The following FKTN variants were observed in gnomAD, a reference collection of about 807,000 sequenced individuals.
FKTN encodes the protein ribitol-5-phosphate transferase FKTN.
A neutral mutation model predicts 58.6 loss-of-function variants in FKTN; 47 were observed. The observed-to-expected ratio is 0.80, with a 90% CI of 0.63 to 1.02. The LOEUF is 1.02. Ranked by LOEUF, FKTN falls within the 50% of genes least tolerant of loss-of-function variation. FKTN has a pLI of 0.00. For missense variants in FKTN, 516 were observed against 537.3 expected (o/e 0.96, Z 0.39); for synonymous variants, 178 against 191.9 (o/e 0.93, Z 0.60).
intron 1 of FKTN, among the ~76,000 whole-genome samples, chr9:105,564,272 C>G (rs1288474392): frequency 6.6e-6 from 1 of 152,226 alleles, no homozygotes; most frequent in Non-Finnish European, 1.5e-5. Context: ...CAGCTCCTCA[C>G]CAGCAATGGA....
At chr9:105,583,677 G>A (rs1198164842) in intron 3 of FKTN, among the ~76,000 whole-genome samples, 1 of 151,912 alleles carries the variant, frequency 6.6e-6, no homozygotes, top group Non-Finnish European at 1.5e-5. Flanking sequence ...TATTCATGAT[G>A]TACTCCCTCA....
At chr9:105,600,613 T>G (rs1224988025) in intron 4 of FKTN, among the ~76,000 whole-genome samples, 1 of 152,134 alleles carries the variant, frequency 6.6e-6, no homozygotes, top group Non-Finnish European at 1.5e-5. Flanking sequence ...AGGCAGTGTA[T>G]TTTGGTCTGA....
chr9:105,617,888 A>G, intron 8 of FKTN, 71 bp from the exon 9 acceptor site: 1 of 986,056 alleles, frequency 1.0e-6, no homozygotes, highest in Non-Finnish European at 1.5e-6. Flanking sequence ...CTTGTTACAA[A>G]TATAATTTGT....
chr9:105,572,780 A>C (rs940182714), intron 1 of FKTN, among the ~76,000 whole-genome samples: 2 of 152,218 alleles, frequency 1.3e-5, no homozygotes. Flanking sequence ...TGCTTTTCCC[A>C]CTTGTTCTCA....
intron 4 of FKTN, among the ~76,000 whole-genome samples, chr9:105,597,191 T>G (rs1822713500): frequency 6.6e-6 from 1 of 152,194 alleles, no homozygotes. Context: ...AGAAAAACAT[T>G]GCTGGGTTAC....
At chr9:105,617,728 AT>A (rs1831073018) in intron 8 of FKTN, among the ~76,000 whole-genome samples, 1 of 152,260 alleles carries the variant, frequency 6.6e-6, no homozygotes, top group Admixed American at 6.5e-5. Flanking sequence ...TTGGTGAAGC[AT>A]CTTAAGTCTA....
chr9:105,586,353 A>G (rs944191191), intron 3 of FKTN, among the ~76,000 whole-genome samples: 2 of 152,144 alleles, frequency 1.3e-5, no homozygotes, highest in Non-Finnish European at 2.9e-5. Flanking sequence ...CCTTGTGAGC[A>G]TTGTCTGTGG....
intron 3 of FKTN, among the ~76,000 whole-genome samples, chr9:105,586,677 T>G (rs1010710278): frequency 5.9e-5 from 9 of 152,196 alleles, no homozygotes; most frequent in Admixed American, 2.6e-4. Flanking sequence ...CAAGTCACTT[T>G]GAGCACCAGT....
rs1834038009 is a variant in FKTN, at chr9:105,636,404, C to A, written c.*1140C>A. The A allele has an allele frequency of 2.6e-5, 26 of 988,066 alleles. No individual in the cohort carries two copies. Among genetic ancestry groups the A allele is most frequent in the Non-Finnish European group, 3.1e-5 (26 of 831,570 alleles). 61.2% of individuals were successfully genotyped at this position (988,066 alleles called of 1,614,324 possible). On this transcript the variant is annotated 3_prime_UTR_variant, in exon 11 of 11. Transcript: ENST00000357998. ...ATGGTGGACTTGACAACTATTCACCCTACCTCAGATCATAGAGTTTGTAAA... is the reference window on the plus strand; with the variant it reads ...ATGGTGGACTTGACAACTATTCACCATACCTCAGATCATAGAGTTTGTAAA...
intron 7 of FKTN, among the ~76,000 whole-genome samples, chr9:105,608,723 T>G (rs1829357375): frequency 6.6e-6 from 1 of 152,260 alleles, no homozygotes; most frequent in African/African-American, 2.4e-5. Flanking sequence ...CTGAGGTTTC[T>G]CTAATACAGT....
intron 3 of FKTN, among the ~76,000 whole-genome samples, chr9:105,592,882 G>A (rs886332349): frequency 9.2e-5 from 14 of 152,114 alleles, no homozygotes; most frequent in African/African-American, 3.4e-4. Flanking sequence ...CAAGTCTCTA[G>A]GAAGTTTCAA....
chr9:105,636,243 T>C lies in FKTN; in HGVS notation c.*979T>C, dbSNP rs1834025809. On this transcript the variant is annotated 3_prime_UTR_variant, in exon 11 of 11. Transcript: ENST00000357998. ...TAAATATACTCTAATTTTTAAAACA[T>C]ACTCTTTATTATCTTCATTTATCAA... 1 of 903,128 alleles carries C rather than the reference T, an allele frequency of 1.1e-6. No homozygotes were observed. Among genetic ancestry groups the C allele is most frequent in the South Asian group, 5.1e-5 (1 of 19,488 alleles). 55.9% of individuals were successfully genotyped at this position (903,128 alleles called of 1,614,324 possible). A position where few individuals can be genotyped will look rare whatever the true frequency, so the allele number is the denominator to read the frequency against.
At chr9:105,581,865 C>T (rs1406004418) in intron 3 of FKTN, among the ~76,000 whole-genome samples, 1 of 152,216 alleles carries the variant, frequency 6.6e-6, no homozygotes, top group African/African-American at 2.4e-5. Context: ...GATATAGTCT[C>T]GTGGTGCACT....
Position 105,636,590 on chromosome 9 carries a change from A to G in FKTN, c.*1326A>G, listed in dbSNP as rs903730580. 2 of 1,116,470 alleles carry G rather than the reference A, an allele frequency of 1.8e-6. No homozygotes were observed. Among genetic ancestry groups the G allele is most frequent in the South Asian group, 2.2e-5 (1 of 45,522 alleles). 69.2% of individuals were successfully genotyped at this position (1,116,470 alleles called of 1,614,324 possible). Reference sequence around the variant, plus strand: ...ATGCTGTTTACCCCATCTCTCTCTTATATCACTTGAATGATATATTGTAAG... The same window carrying G: ...ATGCTGTTTACCCCATCTCTCTCTTGTATCACTTGAATGATATATTGTAAG... On this transcript the variant is annotated 3_prime_UTR_variant, in exon 11 of 11. Transcript: ENST00000357998.
chr9:105,579,028 T>G (rs1842340604), intron 3 of FKTN, among the ~76,000 whole-genome samples: 1 of 151,828 alleles, frequency 6.6e-6, no homozygotes, highest in Admixed American at 6.6e-5. Flanking sequence ...TTATCGTTTT[T>G]TATTGCGTCT....
Position 105,637,462 on chromosome 9 carries a change from A to G in FKTN, c.*2198A>G. The G allele has an allele frequency of 2.0e-6, 2 of 985,488 alleles. No homozygotes were observed. Among genetic ancestry groups the G allele is most frequent in the Non-Finnish European group, 2.4e-6 (2 of 829,972 alleles). The allele number at this position is 985,488 out of a possible 1,614,324, so 61.0% of individuals were successfully genotyped here. A position where few individuals can be genotyped will look rare whatever the true frequency, so the allele number is the denominator to read the frequency against. On this transcript the variant is annotated 3_prime_UTR_variant, in exon 11 of 11. Coordinates refer to ENST00000357998, the MANE Select transcript of FKTN (RefSeq NM_001079802.2). Reference sequence around the variant, plus strand: ...ATGGGTTCCACCCTAACTTGGGGAAACAAAAGCCTTCTCTAGAATCTGAAG... The same window carrying G: ...ATGGGTTCCACCCTAACTTGGGGAAGCAAAAGCCTTCTCTAGAATCTGAAG...
intron 3 of FKTN, among the ~76,000 whole-genome samples, chr9:105,594,110 A>G (rs1200101276): frequency 6.6e-6 from 1 of 152,198 alleles, no homozygotes; most frequent in Non-Finnish European, 1.5e-5. Flanking sequence ...TTGCTGGAGC[A>G]ATGTCTTTGT....
At chr9:105,618,249 T>C (rs767941254) in intron 9 of FKTN, among the ~76,000 whole-genome samples, 157 bp downstream of exon 9, 1 of 152,214 alleles carries the variant, frequency 6.6e-6, no homozygotes, top group Non-Finnish European at 1.5e-5. Flanking sequence ...CCACTTGTAA[T>C]TTCTGCACTG....
chr9:105,618,081 A>G lies in FKTN; in HGVS notation c.1033A>G (p.Lys345Glu), dbSNP rs2133163596. ...FQDAGLPLKH[K>E]FGKVEDSLEL... ...GGATGCAGGACTTCCGCTCAAACAC[A>G]AATTTGGGAAGGTCAGTAACAAAAG... Residue 345 changes from lysine to glutamate, a missense_variant, in exon 9 of 11, where the codon AAA becomes GAA. Coordinates refer to ENST00000357998, the MANE Select transcript of FKTN (RefSeq NM_001079802.2). 7 of 1,612,348 alleles carry G rather than the reference A, an allele frequency of 4.3e-6. No individual in the cohort carries two copies. The highest frequency in any genetic ancestry group is 5.9e-6 in the Non-Finnish European group (7 of 1,178,418).
Sources: gnomAD v4.1 joint callset for allele counts (sites outside exome capture counted in the v4.1 genomes callset) on GRCh38, gnomAD v4.1.1 for gene constraint, MANE v1.5 for transcripts, NCBI Gene and HGNC (gene_info 2026-07-23, HGNC 2026-07-21) for gene names.